SCN11A: variants seen among roughly 807,000 people sequenced by gnomAD.
SCN11A encodes sodium channel protein type 11 subunit alpha.
A neutral mutation model predicts 162.2 loss-of-function variants in SCN11A; 122 were observed. The observed-to-expected ratio is 0.75, with a 90% CI of 0.65 to 0.87. The LOEUF is 0.87. Ranked by LOEUF, SCN11A falls within the 40% of genes least tolerant of loss-of-function variation. SCN11A has a pLI of 0.00. For missense variants in SCN11A, 2,015 were observed against 2,181.6 expected, an observed-to-expected ratio of 0.92 and a Z score of 1.52; for synonymous variants, 758 against 751.5, an observed-to-expected ratio of 1.01 and a Z score of -0.14.
rs200446736 is a variant in SCN11A at position 38,870,710 on chromosome 3, G to T, written c.3794C>A (p.Ala1265Glu). 1.2e-6 allele frequency: 2 copies of T among 1,613,496 alleles called. No individual in the cohort carries two copies. The highest frequency in any genetic ancestry group is 4.5e-5 in the East Asian group (2 of 44,866). The change falls in exon 26 of 30, where the codon GCA (alanine) becomes GAA (glutamate). Residue 1265 changes from alanine to glutamate, a missense_variant. Transcript: ENST00000302328. The stretch of plus-strand genomic sequence containing the variant: ...ACTCACCTCTGTGGAATCAACAGCT[G>T]CATATATAATATCCATCCAGCCCTT... ...TFKGWMDIIY[A>E]AVDSTEKEQQ... is the part of the protein sequence containing the mutation.
chr3:38,995,663 G>A (rs1171730484), intron 2 of SCN11A, among the ~76,000 whole-genome samples: 1 of 152,086 alleles, frequency 6.6e-6, no homozygotes, highest in Non-Finnish European at 1.5e-5. Flanking sequence ...TACAGCACTG[G>A]CTCCCCTGGT....
At chr3:38,943,061 T>A (rs2066464096) in intron 7 of SCN11A, among the ~76,000 whole-genome samples, 1 of 151,786 alleles carries the variant, frequency 6.6e-6, no homozygotes, top group African/African-American at 2.4e-5. Context: ...AAACTGGAAA[T>A]AATGCAAATG....
At chr3:39,028,834 A>G (rs1201914982) in intron 2 of SCN11A, among the ~76,000 whole-genome samples, 1 of 152,194 alleles carries the variant, frequency 6.6e-6, no homozygotes, top group Non-Finnish European at 1.5e-5. Context: ...ACCCAGTCCC[A>G]TGAGAGCAGC....
At chr3:38,883,495 G>A (rs1472606238) in intron 21 of SCN11A, 108 bp from the exon 22 acceptor site, 13 of 989,052 alleles carry the variant, frequency 1.3e-5, no homozygotes, top group Non-Finnish European at 1.5e-6. Context: ...GCGACCTGCA[G>A]TTGCTCCCAT....
At chr3:38,868,162 G>A (rs2065071528) in intron 26 of SCN11A, among the ~76,000 whole-genome samples, 1 of 152,146 alleles carries the variant, frequency 6.6e-6, no homozygotes, top group Admixed American at 6.5e-5. Flanking sequence ...CAGGCAGGTG[G>A]CAAAAAGATT....
intron 22 of SCN11A, among the ~76,000 whole-genome samples, chr3:38,881,474 T>C (rs1316417199): frequency 6.6e-6 from 1 of 152,190 alleles, no homozygotes; most frequent in Non-Finnish European, 1.5e-5. Flanking sequence ...GCTCAATGGA[T>C]GAGCACGCTT....
intron 1 of SCN11A, among the ~76,000 whole-genome samples, chr3:39,036,474 G>A (rs1228904540): frequency 6.6e-6 from 1 of 152,100 alleles, no homozygotes; most frequent in African/African-American, 2.4e-5. Context: ...TATCCCAAAA[G>A]CACAGACAAT....
At chr3:38,950,596 A>G in intron 4 of SCN11A, 1 of 525,398 alleles carries the variant, frequency 1.9e-6, no homozygotes, top group East Asian at 3.2e-5. Context: ...GCAGGGCATC[A>G]TTCCTGGAGG....
At chr3:38,908,164 C>A (rs1204752297) in intron 13 of SCN11A, 42 bp from the exon 14 acceptor site, 2 of 1,559,472 alleles carry the variant, frequency 1.3e-6, no homozygotes, top group Admixed American at 1.9e-5. Context: ...GATTACACCT[C>A]CTCATGAAAC....
At chr3:38,931,877 T>C (rs1281073151) in intron 7 of SCN11A, among the ~76,000 whole-genome samples, 5 of 152,194 alleles carry the variant, frequency 3.3e-5, no homozygotes, top group Non-Finnish European at 5.9e-5. Flanking sequence ...AGATAAGCCA[T>C]TCCATTCACA....
intron 7 of SCN11A, among the ~76,000 whole-genome samples, chr3:38,937,349 A>C (rs1199933855): frequency 2.7e-5 from 4 of 150,280 alleles, no homozygotes; most frequent in Non-Finnish European, 6.0e-5. Flanking sequence ...AAGCAATGGC[A>C]ACAAAAGCCA....
chr3:38,887,198 C>A (rs982935975), intron 19 of SCN11A, among the ~76,000 whole-genome samples: 1 of 152,050 alleles, frequency 6.6e-6, no homozygotes, highest in African/African-American at 2.4e-5. Flanking sequence ...AATTCTCTCC[C>A]CAACAAGATT....
chr3:38,884,159 C>A (rs745793261), intron 21 of SCN11A, among the ~76,000 whole-genome samples: 2 of 152,220 alleles, frequency 1.3e-5, no homozygotes, highest in Non-Finnish European at 2.9e-5. Context: ...GCTCTCTTCA[C>A]TCTGCCTCTT....
intron 28 of SCN11A, among the ~76,000 whole-genome samples, chr3:38,862,416 A>G (rs1351614494): frequency 6.6e-6 from 1 of 152,102 alleles, no homozygotes; most frequent in African/African-American, 2.4e-5. Flanking sequence ...AGAAATTACT[A>G]TATGAAAAAG....
At chr3:38,955,697 T>C (rs1482588757) in intron 3 of SCN11A, among the ~76,000 whole-genome samples, 1 of 152,242 alleles carries the variant, frequency 6.6e-6, no homozygotes, top group Non-Finnish European at 1.5e-5. Flanking sequence ...GTGCAATTAT[T>C]TTCCAAGTCC....
rs956392860 is a variant in SCN11A, at chr3:38,925,312, CTTTG to C, written c.712+99_712+102del. ...CCATCAAATAAATTTGTAAAGCAGG[CTTTG>C]TTTGTTTTTGGTTTACATGATGACA... On this transcript the variant is annotated intron_variant, in intron 9 of 29. Transcript: ENST00000302328. The C allele has an allele frequency of 5.8e-5, 43 of 740,424 alleles. No individual in the cohort carries two copies. The Middle Eastern group carries it at 8.2e-4, about 14-fold the overall frequency. The allele number at this position is 740,424 out of a possible 1,614,324, so 45.9% of individuals were successfully genotyped here. A position where few individuals can be genotyped will look rare whatever the true frequency, so the allele number is the denominator to read the frequency against.
intron 2 of SCN11A, among the ~76,000 whole-genome samples, chr3:38,981,893 A>T (rs2030071588): frequency 6.6e-6 from 1 of 152,026 alleles, no homozygotes; most frequent in South Asian, 2.1e-4. Flanking sequence ...AGTCCCAGCT[A>T]CTCAGGAGAC....
intron 21 of SCN11A, among the ~76,000 whole-genome samples, chr3:38,883,653 G>A (rs930342313): frequency 6.6e-6 from 1 of 152,102 alleles, no homozygotes; most frequent in African/African-American, 2.4e-5. Context: ...TTGCTGTCTT[G>A]TGCCATCTCC....
intron 9 of SCN11A, among the ~76,000 whole-genome samples, chr3:38,924,429 A>C (rs2066104325): frequency 6.6e-6 from 1 of 151,446 alleles, no homozygotes. Context: ...GCTGGAGTGC[A>C]ATGGGGCGAT....
Sources: gnomAD v4.1 joint callset for allele counts (sites outside exome capture counted in the v4.1 genomes callset) on GRCh38, gnomAD v4.1.1 for gene constraint, MANE v1.5 for transcripts, NCBI Gene and HGNC (gene_info 2026-07-23, HGNC 2026-07-21) for gene names.